PMM2: variants seen among roughly 807,000 people sequenced by gnomAD.
PMM2 encodes phosphomannomutase 2.
Under a neutral mutation model 33.2 loss-of-function variants are expected in PMM2, and 35 were observed. The ratio of observed to expected loss-of-function variants is 1.06; its 90% CI spans 0.81 to 1.40. The LOEUF (loss-of-function observed/expected upper bound fraction) is 1.40, where lower values mean the gene tolerates loss of function less well. Among genes scored for constraint, PMM2 ranks in the 40% most tolerant of loss-of-function variants. PMM2 has a pLI of 0.00. For missense variants in PMM2, 386 were observed against 306.0 expected (o/e 1.26, Z -1.95); for synonymous variants, 153 against 114.7 (o/e 1.33, Z -2.13).
intron 7 of PMM2, among the ~76,000 whole-genome samples, chr16:8,826,355 C>T (rs915227722): frequency 6.6e-6 from 1 of 152,106 alleles, no homozygotes; most frequent in African/African-American, 2.4e-5. Flanking sequence ...AAGTGCAGAG[C>T]CTAGAATACA....
intron 7 of PMM2, among the ~76,000 whole-genome samples, chr16:8,813,399 T>A (rs2060689004): frequency 6.6e-6 from 1 of 152,216 alleles, no homozygotes; most frequent in Non-Finnish European, 1.5e-5. Flanking sequence ...CAGTCCCCGG[T>A]GCCACTGTCA....
At position 8,847,819 on chromosome 16, in the gene PMM2, C is replaced by G. The variant is rs1459622039; in HGVS notation, c.735C>G (p.Phe245Leu). 3.1e-6 allele frequency: 5 copies of G among 1,611,728 alleles called. No individual in the cohort carries two copies. The highest frequency in any genetic ancestry group is 3.4e-6 in the Non-Finnish European group (4 of 1,178,284). ...CGCGCAGGATCTGTGAACTGCTGTT[C>G]TCCTAACGTGGGAGCGGGAGGGGCG... ...EDTRRICELL[F>L]S Residue 245 changes from phenylalanine (F) to leucine (L), a missense_variant, in exon 8 of 8, where the codon TTC (phenylalanine) becomes TTG (leucine). Phe to Leu is a conservative substitution (Grantham distance 22). Coordinates refer to ENST00000268261, the MANE Select transcript of PMM2 (RefSeq NM_000303.3).
chr16:8,844,430 G>C (rs2060910799), intron 7 of PMM2, among the ~76,000 whole-genome samples: 1 of 152,092 alleles, frequency 6.6e-6, no homozygotes, highest in Non-Finnish European at 1.5e-5. Context: ...TGGGGTACTT[G>C]CCTCTCCCCC....
At chr16:8,818,549 G>T (rs966422497) in intron 7 of PMM2, among the ~76,000 whole-genome samples, 1 of 152,156 alleles carries the variant, frequency 6.6e-6, no homozygotes, top group Non-Finnish European at 1.5e-5. Flanking sequence ...GTTTTTGCCG[G>T]CGTCCAGGGA....
Position 8,797,927 on chromosome 16 carries a change from G to T in PMM2, c.45G>T (p.Gly15=). ...GPALCLFDVD[G]TLTAPRQKIT... is the part of the protein sequence containing the mutation. The stretch of plus-strand genomic sequence containing the variant: ...CGCTCTGCCTCTTCGACGTGGATGG[G>T]ACCCTCACCGCCCCGCGGCAGGTAA... Residue 15 remains glycine, a synonymous_variant, in exon 1 of 8, where the codon GGG becomes GGT. Transcript: ENST00000268261. The T allele has an allele frequency of 6.2e-7, 1 of 1,609,278 alleles. No homozygotes were observed. The highest frequency in any genetic ancestry group is 8.5e-7 in the Non-Finnish European group (1 of 1,178,348).
intron 7 of PMM2, among the ~76,000 whole-genome samples, chr16:8,813,515 G>A (rs1340665675): frequency 6.6e-6 from 1 of 152,162 alleles, no homozygotes; most frequent in Non-Finnish European, 1.5e-5. Flanking sequence ...CATGAACGAT[G>A]GGAGGATAGG....
chr16:8,837,724 G>GC (rs2060860097), intron 7 of PMM2, among the ~76,000 whole-genome samples: 1 of 152,028 alleles, frequency 6.6e-6, no homozygotes. Context: ...TGGTGTACTT[G>GC]CCTCTCCGCC....
intron 1 of PMM2, among the ~76,000 whole-genome samples, chr16:8,799,087 G>A (rs2060596284): frequency 1.3e-5 from 2 of 152,142 alleles, no homozygotes; most frequent in South Asian, 2.1e-4. Context: ...GGGCCATATA[G>A]CAAATACTTC....
intron 7 of PMM2, chr16:8,832,298 C>G (rs368793160): frequency 2.0e-6 from 2 of 985,320 alleles, no homozygotes; most frequent in African/African-American, 3.5e-5. Flanking sequence ...TCTCTGAAAG[C>G]GGGTGGAGCT....
At chr16:8,817,104 T>A (rs769841017) in intron 7 of PMM2, among the ~76,000 whole-genome samples, 1 of 152,132 alleles carries the variant, frequency 6.6e-6, no homozygotes, top group South Asian at 2.1e-4. Context: ...TTTAAATGAG[T>A]GTGCTTTCCA....
At chr16:8,842,871 A>C (rs1450646930) in intron 7 of PMM2, among the ~76,000 whole-genome samples, 1 of 151,924 alleles carries the variant, frequency 6.6e-6, no homozygotes, top group African/African-American at 2.4e-5. Flanking sequence ...TTAGGTTTTA[A>C]TGGGATGGTA....
At chr16:8,800,107 C>G (rs1311172639) in intron 1 of PMM2, among the ~76,000 whole-genome samples, 2 of 151,878 alleles carry the variant, frequency 1.3e-5, no homozygotes, top group South Asian at 4.2e-4. Flanking sequence ...GCCTATAATC[C>G]CAGCACTTGG....
chr16:8,800,134 G>C (rs1187693304), intron 1 of PMM2, among the ~76,000 whole-genome samples: 3 of 152,118 alleles, frequency 2.0e-5, no homozygotes, highest in East Asian at 1.9e-4. Flanking sequence ...TGAGGCGGGT[G>C]GATCACTTGA....
At chr16:8,841,823 C>A (rs531891957) in intron 7 of PMM2, among the ~76,000 whole-genome samples, 1 of 139,586 alleles carries the variant, frequency 7.2e-6, no homozygotes, top group Admixed American at 7.3e-5. Context: ...AGGTCCGGGC[C>A]AGGAACAATG....
rs751222355 is a variant in PMM2 at position 8,806,422 on chromosome 16, A to C, written c.347+15A>C. On this transcript the variant is annotated intron_variant, in intron 4 of 7. Transcript: ENST00000268261. ...CCGAAGAAGAGGTGGGTTTGCTTTT[A>C]ACAAAGAGGCGTCACAGGAACATAG... The C allele has an allele frequency of 1.9e-5, 29 of 1,522,802 alleles. No individual in the cohort carries two copies. Among genetic ancestry groups the C allele is most frequent in the Non-Finnish European group, 2.6e-5 (29 of 1,096,696 alleles). The allele number at this position is 1,522,802 out of a possible 1,614,324, so 94.3% of individuals were successfully genotyped here. A position where few individuals can be genotyped will look rare whatever the true frequency, so the allele number is the denominator to read the frequency against.
At chr16:8,806,571 C>T in intron 4 of PMM2, 164 bp downstream of exon 4, 1 of 658,370 alleles carries the variant, frequency 1.5e-6, no homozygotes, top group Non-Finnish European at 2.7e-6. Context: ...TTCAGAAAGC[C>T]TGAGAGCCGA....
At chr16:8,825,551 C>T (rs184451444) in intron 7 of PMM2, among the ~76,000 whole-genome samples, 35 of 151,610 alleles carry the variant, frequency 2.3e-4, no homozygotes, top group Non-Finnish European at 5.0e-4. Context: ...GAACTCCTGA[C>T]CCCACGTGAT....
chr16:8,843,491 C>A (rs2060903791), intron 7 of PMM2, among the ~76,000 whole-genome samples: 1 of 140,578 alleles, frequency 7.1e-6, no homozygotes, highest in East Asian at 2.1e-4. Flanking sequence ...TAGGAGGAAT[C>A]CTGGGCTGCA....
In PMM2 at chr16:8,834,672, C is replaced by G. The variant is rs1245691722; in HGVS notation, c.640-13052C>G. ...AGTTATTTCCTTGAGGATAGATTTC[C>G]ACGATGGAAAGGAAATGAGACGTTC... On this transcript the variant is annotated intron_variant, in intron 7 of 7. Transcript: ENST00000268261. 3.3e-5 allele frequency among the ~76,000 whole-genome samples: 5 copies of G among 151,758 alleles called. No individual in the cohort carries two copies. In the East Asian group the frequency reaches 9.7e-4, roughly 29 times the overall value.
Sources: gnomAD v4.1 joint callset for allele counts (sites outside exome capture counted in the v4.1 genomes callset) on GRCh38, gnomAD v4.1.1 for gene constraint, MANE v1.5 for transcripts, NCBI Gene and HGNC (gene_info 2026-07-23, HGNC 2026-07-21) for gene names.